The following ULK2 variants were observed in gnomAD, a reference collection of about 807,000 sequenced individuals.
The protein encoded by ULK2 is unc-51 like autophagy activating kinase 2, also known as serine/threonine-protein kinase ULK2.
A neutral mutation model predicts 127.5 loss-of-function variants in ULK2; 76 were observed. The observed-to-expected ratio is 0.60, with a 90% CI of 0.50 to 0.72. The LOEUF (loss-of-function observed/expected upper bound fraction) is 0.72. Among genes scored for constraint, ULK2 ranks in the 30% least tolerant of loss-of-function variants. ULK2 has a pLI of 0.00. For missense variants in ULK2, 1,144 were observed against 1,295.9 expected, an observed-to-expected ratio of 0.88 and a Z score of 1.80; for synonymous variants, 452 against 461.9, an observed-to-expected ratio of 0.98 and a Z score of 0.28.
At chr17:19,850,537 T>C (rs972442470) in intron 3 of ULK2, among the ~76,000 whole-genome samples, 12 of 152,118 alleles carry the variant, frequency 7.9e-5, no homozygotes, top group Admixed American at 1.3e-4. Context: ...ATTCAAAATA[T>C]AGCTTTTGGC....
intron 14 of ULK2, among the ~76,000 whole-genome samples, chr17:19,805,192 A>T (rs1337569963): frequency 6.6e-6 from 1 of 152,204 alleles, no homozygotes; most frequent in Admixed American, 6.5e-5. Flanking sequence ...GGGTAAAAGA[A>T]CGGGAAGTTC....
intron 15 of ULK2, among the ~76,000 whole-genome samples, chr17:19,802,728 G>A (rs1361984586): frequency 6.6e-6 from 1 of 152,222 alleles, no homozygotes. Context: ...AGTGGTCGTT[G>A]CTAAAAGGTT....
In ULK2 at chr17:19,780,465, G is replaced by C; in HGVS notation, c.2916+7C>G. The C allele has an allele frequency of 6.2e-7, 1 of 1,605,654 alleles. No individual in the cohort carries two copies. Among genetic ancestry groups the C allele is most frequent in the Non-Finnish European group, 8.5e-7 (1 of 1,176,526 alleles). On this transcript the variant is annotated splice_region_variant and intron_variant, in intron 25 of 26. Coordinates refer to ENST00000395544, the MANE Select transcript of ULK2 (RefSeq NM_014683.4). ...ACTATACAATATTAAACCTTAGAAA[G>C]GGTTACCATTTCTACAGCACAATTA...
At chr17:19,787,915 G>A (rs2087069739) in intron 20 of ULK2, among the ~76,000 whole-genome samples, 1 of 152,212 alleles carries the variant, frequency 6.6e-6, no homozygotes, top group Non-Finnish European at 1.5e-5. Flanking sequence ...GGGGGAGGGA[G>A]AGTGCAGCAA....
At chr17:19,809,235 A>C (rs2087576295) in intron 14 of ULK2, among the ~76,000 whole-genome samples, 1 of 152,182 alleles carries the variant, frequency 6.6e-6, no homozygotes, top group Admixed American at 6.5e-5. Context: ...AATTCATAGA[A>C]ACAGAGAGCA....
chr17:19,836,944 A>G (rs2041613493), intron 10 of ULK2, among the ~76,000 whole-genome samples: 1 of 151,668 alleles, frequency 6.6e-6, no homozygotes, highest in Non-Finnish European at 1.5e-5. Flanking sequence ...AAATTAGCCA[A>G]CTGTGGTGGT....
chr17:19,841,563 AGGTTTAATTTCCT>A lies in ULK2; in HGVS notation c.646-29_646-17del. 6.5e-7 allele frequency: 1 copy of A among 1,545,930 alleles called. No individual in the cohort carries two copies. Among genetic ancestry groups the A allele is most frequent in the Non-Finnish European group, 8.7e-7 (1 of 1,150,012 alleles). Reference sequence around the variant, plus strand: ...GACTATTGGCCTATTAAAAAAAAAAAGGTTTAATTTCCTAAACAATGGGGGCAAAACTTTCAAA... The same window carrying A: ...GACTATTGGCCTATTAAAAAAAAAAAAAACAATGGGGGCAAAACTTTCAAA... On this transcript the variant is annotated splice_polypyrimidine_tract_variant and intron_variant, in intron 8 of 26. Transcript: ENST00000395544.
Position 19,776,129 on chromosome 17 carries a change from AC to A in ULK2, c.*219del. The A allele has an allele frequency of 2.0e-6, 1 of 501,042 alleles. No individual in the cohort carries two copies. The highest frequency in any genetic ancestry group is 3.6e-6 in the Non-Finnish European group (1 of 280,302). 31.0% of individuals were successfully genotyped at this position (501,042 alleles called of 1,614,324 possible). The stretch of plus-strand genomic sequence containing the variant: ...GCCAAACACTCTTGCTCCTGCTTCT[AC>A]AAAGAAAAAGGGAAAGGGTGATTTT... On this transcript the variant is annotated 3_prime_UTR_variant, in exon 27 of 27. Coordinates refer to ENST00000395544, the MANE Select transcript of ULK2 (RefSeq NM_014683.4).
rs767812993 is a variant in ULK2, at chr17:19,816,733, T to C, written c.1096+16A>G. 3 of 1,552,438 alleles carry C rather than the reference T, an allele frequency of 1.9e-6. No individual in the cohort carries two copies. The African/African-American group carries it at 4.2e-5, about 22-fold the overall frequency. The stretch of plus-strand genomic sequence containing the variant: ...GATTAAGAAATACAATGTGTACAAG[T>C]AGAAAAGATTCTCACATGAGTGGTC... On this transcript the variant is annotated intron_variant, in intron 13 of 26. Transcript: ENST00000395544.
At chr17:19,799,921 A>G (rs1423527418) in intron 16 of ULK2, among the ~76,000 whole-genome samples, 1 of 152,236 alleles carries the variant, frequency 6.6e-6, no homozygotes, top group Non-Finnish European at 1.5e-5. Context: ...CACAGCTAAC[A>G]GAGAGCCCCA....
intron 19 of ULK2, 99 bp downstream of exon 19, chr17:19,795,996 C>G: frequency 6.8e-7 from 1 of 1,477,248 alleles, no homozygotes; most frequent in Non-Finnish European, 9.1e-7. Context: ...GCATAAATCA[C>G]CCGCTACACT....
chr17:19,810,222 T>G (rs942926758), intron 14 of ULK2, among the ~76,000 whole-genome samples, 156 bp downstream of exon 14: 4 of 120,282 alleles, frequency 3.3e-5, no homozygotes, highest in African/African-American at 1.3e-4. Flanking sequence ...AGAGCCAGAC[T>G]CCATCTCAAA....
chr17:19,784,075 C>T (rs1221389763), intron 21 of ULK2, 170 bp from the exon 22 acceptor site: 1 of 458,202 alleles, frequency 2.2e-6, no homozygotes, highest in African/African-American at 2.0e-5. Context: ...TTTACTTATC[C>T]ATGTTCATTG....
rs1446093037 is a variant in ULK2, at chr17:19,775,701, T to C, written c.*648A>G. On this transcript the variant is annotated 3_prime_UTR_variant, in exon 27 of 27. Coordinates refer to ENST00000395544, the MANE Select transcript of ULK2 (RefSeq NM_014683.4). Reference sequence around the variant, plus strand: ...AAGTAAAATATTTTAAACAAGTCCATTGTGCCTTAGTTAAATTACAAAATC... The same window carrying C: ...AAGTAAAATATTTTAAACAAGTCCACTGTGCCTTAGTTAAATTACAAAATC... 2 of 152,652 alleles carry C rather than the reference T, an allele frequency of 1.3e-5. No individual in the cohort carries two copies. The highest frequency in any genetic ancestry group is 2.9e-5 in the Non-Finnish European group (2 of 68,036). 9.5% of individuals were successfully genotyped at this position (152,652 alleles called of 1,614,324 possible).
chr17:19,788,877 G>C (rs1487121260), intron 20 of ULK2, among the ~76,000 whole-genome samples: 1 of 152,194 alleles, frequency 6.6e-6, no homozygotes, highest in Non-Finnish European at 1.5e-5. Context: ...AGGAAAGACC[G>C]GGAAGGACTT....
intron 3 of ULK2, among the ~76,000 whole-genome samples, chr17:19,853,993 A>C (rs1478474359): frequency 6.6e-6 from 1 of 152,166 alleles, no homozygotes; most frequent in South Asian, 2.1e-4. Flanking sequence ...GAGATGCAAA[A>C]TACAACATAT....
At chr17:19,856,451 A>G (rs1482723679) in intron 3 of ULK2, among the ~76,000 whole-genome samples, 1 of 151,256 alleles carries the variant, frequency 6.6e-6, no homozygotes, top group Non-Finnish European at 1.5e-5. Flanking sequence ...GTATGGTGGC[A>G]GGTGCCTGTA....
At chr17:19,777,149 G>C (rs2086827089) in intron 26 of ULK2, among the ~76,000 whole-genome samples, 2 of 152,144 alleles carry the variant, frequency 1.3e-5, no homozygotes, top group Admixed American at 1.3e-4. Context: ...TTGTCGCCCA[G>C]GCTGGAGTGC....
intron 3 of ULK2, among the ~76,000 whole-genome samples, chr17:19,864,321 C>T (rs1408838029): frequency 6.6e-6 from 1 of 151,926 alleles, no homozygotes. Context: ...CACACACACA[C>T]AAAATTAGCT....
Sources: gnomAD v4.1 joint callset for allele counts (sites outside exome capture counted in the v4.1 genomes callset) on GRCh38, gnomAD v4.1.1 for gene constraint, MANE v1.5 for transcripts, NCBI Gene and HGNC (gene_info 2026-07-23, HGNC 2026-07-21) for gene names.